IFI6: variants seen among roughly 807,000 people sequenced by gnomAD.
IFI6 encodes the protein interferon alpha inducible protein 6, also known as interferon alpha-inducible protein 6.
In IFI6, 10 loss-of-function variants were observed where a neutral mutation model predicts 12.7. The ratio of observed to expected loss-of-function variants is 0.79; its 90% CI spans 0.49 to 1.33. The LOEUF is 1.33. Among genes scored for constraint, IFI6 ranks in the 40% most tolerant of loss-of-function variants. IFI6 has a pLI of 0.00. For missense variants in IFI6, 154 were observed against 180.4 expected (o/e 0.85, Z 0.84); for synonymous variants, 89 against 86.2 (o/e 1.03, Z -0.18).
chr1:27,670,126 A>G (rs992931451), intron 1 of IFI6: 14 of 152,198 alleles, frequency 9.2e-5, no homozygotes, highest in African/African-American at 2.9e-4. Flanking sequence ...CAGACTGCCA[A>G]TCGAAAGCCC....
intron 4 of IFI6, among the ~76,000 whole-genome samples, chr1:27,666,724 A>T (rs2090354663): frequency 6.6e-6 from 1 of 152,236 alleles, no homozygotes; most frequent in African/African-American, 2.4e-5. Flanking sequence ...ACGCCATGTT[A>T]TTAATCATGC....
intron 1 of IFI6, among the ~76,000 whole-genome samples, chr1:27,671,530 G>A (rs576048700): frequency 2.0e-5 from 3 of 151,776 alleles, no homozygotes; most frequent in South Asian, 2.1e-4. Context: ...GACTACAGGC[G>A]CCCACCACCA....
chr1:27,671,299 A>G (rs2090402069), intron 1 of IFI6, among the ~76,000 whole-genome samples: 1 of 152,192 alleles, frequency 6.6e-6, no homozygotes. Context: ...AGAGAGGTTA[A>G]GTAATATTCC....
At position 27,666,289 on chromosome 1, in the gene IFI6, C is replaced by CAAAAAA. The variant is rs10649401; in HGVS notation, c.*86_*91dup. The CAAAAAA allele has an allele frequency of 4.7e-4, 119 of 255,768 alleles. No individual in the cohort carries two copies. The highest frequency in any genetic ancestry group is 2.6e-3 in the Middle Eastern group (2 of 778). The allele number at this position is 255,768 out of a possible 1,614,324, so 15.8% of individuals were successfully genotyped here. ...TGGACAATATAGTGAGAACCCATCT[C>CAAAAAA]AAAAAAAAAAAAAAAAAAAAAAAGG... On this transcript the variant is annotated 3_prime_UTR_variant, in exon 5 of 5. Transcript: ENST00000361157.
At position 27,668,448 on chromosome 1, in the gene IFI6, C is replaced by T; in HGVS notation, c.148+10G>A. 1 of 1,608,968 alleles carries T rather than the reference C, an allele frequency of 6.2e-7. No individual in the cohort carries two copies. The highest frequency in any genetic ancestry group is 1.1e-5 in the South Asian group (1 of 90,086). ...CCCGCCTGCCCGAGATCCTCGCCCT[C>T]CAGACCCACCTCCTCCGACGGCCAT... On this transcript the variant is annotated intron_variant, in intron 3 of 4. Transcript: ENST00000361157.
chr1:27,668,569 T>TTGGGG, intron 2 of IFI6, 34 bp from the exon 3 acceptor site: 19 of 1,548,746 alleles, frequency 1.2e-5, no homozygotes, highest in Non-Finnish European at 1.7e-5. Flanking sequence ...AGTGGGGGTG[T>TTGGGG]TGGGGTGGGA....
Position 27,666,351 on chromosome 1 carries a change from G to C in IFI6, c.*30C>G, listed in dbSNP as rs1141747. On this transcript the variant is annotated 3_prime_UTR_variant, in exon 5 of 5. Coordinates refer to ENST00000361157, the MANE Select transcript of IFI6 (RefSeq NM_002038.4). ...ATCCTAACTGGAAGAGTTAGGCCAAGAAGGAAGAAGAGGTTCTGGGAGCTG... is the reference window on the plus strand; with the variant it reads ...ATCCTAACTGGAAGAGTTAGGCCAACAAGGAAGAAGAGGTTCTGGGAGCTG... 2 of 1,044,186 alleles carry C rather than the reference G, an allele frequency of 1.9e-6. No individual in the cohort carries two copies. Among genetic ancestry groups the C allele is most frequent in the Non-Finnish European group, 2.8e-6 (2 of 703,984 alleles). 64.7% of individuals were successfully genotyped at this position (1,044,186 alleles called of 1,614,324 possible).
chr1:27,668,074 CAAAAT>C (rs2090364716), intron 4 of IFI6, 147 bp downstream of exon 4: 1 of 855,030 alleles, frequency 1.2e-6, no homozygotes, highest in Non-Finnish European at 1.7e-6. Flanking sequence ...GACTCTGTCT[CAAAAT>C]AAATAAATAA....
chr1:27,668,107 G>C (rs897619492), intron 4 of IFI6, 119 bp downstream of exon 4: 8 of 954,778 alleles, frequency 8.4e-6, no homozygotes, highest in Non-Finnish European at 1.2e-5. Context: ...CTTAATTCCT[G>C]GTAAACTACT....
intron 1 of IFI6, among the ~76,000 whole-genome samples, chr1:27,671,456 C>T (rs958549671): frequency 6.7e-6 from 1 of 149,182 alleles, no homozygotes; most frequent in Non-Finnish European, 1.5e-5. Context: ...TCTCATCTCA[C>T]TGCAAGCTCC....
rs1423025914 is a variant in IFI6, at chr1:27,668,384, ACAGGAG to A, written c.149-15_149-10del. ...CCCGGCGACTGCGAGTCCTGGAGGA[ACAGGAG>A]CAGGTGAGGGAGCGTCCGCGGCAGA... is the stretch of plus-strand genomic sequence containing the variant. On this transcript the variant is annotated splice_polypyrimidine_tract_variant and intron_variant, in intron 3 of 4. Coordinates refer to ENST00000361157, the MANE Select transcript of IFI6 (RefSeq NM_002038.4). 1.3e-6 allele frequency: 2 copies of A among 1,572,002 alleles called. No individual in the cohort carries two copies.
chr1:27,670,310 A>T (rs1264339114), intron 1 of IFI6: 1 of 152,130 alleles, frequency 6.6e-6, no homozygotes, highest in African/African-American at 2.4e-5. Flanking sequence ...GTTTTGAGAC[A>T]GGGTCTCACT....
At position 27,666,312 on chromosome 1, in the gene IFI6, A is replaced by AT; in HGVS notation, c.*68_*69insA. ...CTCAAAAAAAAAAAAAAAAAAAAAA[A>AT]GGCAAAGTTCTAGATCCTAACTGGA... On this transcript the variant is annotated 3_prime_UTR_variant, in exon 5 of 5. Transcript: ENST00000361157. The AT allele has an allele frequency of 1.6e-5, 12 of 769,218 alleles. No homozygotes were observed. The highest frequency in any genetic ancestry group is 2.8e-5 in the East Asian group (1 of 35,726). The allele number at this position is 769,218 out of a possible 1,614,324, so 47.6% of individuals were successfully genotyped here. A position where few individuals can be genotyped will look rare whatever the true frequency, so the allele number is the denominator to read the frequency against.
intron 1 of IFI6, chr1:27,670,155 T>C (rs930559945): frequency 1.3e-5 from 2 of 152,226 alleles, no homozygotes; most frequent in African/African-American, 2.4e-5. Context: ...TTTACCTGTG[T>C]TTCTGACTGA....
rs1294439661 is a variant in IFI6, at chr1:27,668,458, C to G, written c.148G>C (p.Gly50Arg). The stretch of plus-strand genomic sequence containing the variant: ...CGAGATCCTCGCCCTCCAGACCCAC[C>G]TCCTCCGACGGCCATGAAGGTCAGG... Reference protein sequence around the residue: ...KALTFMAVGGGLAVAGLPALG... With the variant: ...KALTFMAVGGRLAVAGLPALG... Residue 50 changes from glycine to arginine, a missense_variant and splice_region_variant, in exon 3 of 5, where the codon GGA (glycine) becomes CGA (arginine). Coordinates refer to ENST00000361157, the MANE Select transcript of IFI6 (RefSeq NM_002038.4). The G allele has an allele frequency of 1.8e-5, 29 of 1,610,140 alleles. No homozygotes were observed. In the Middle Eastern group the frequency reaches 4.9e-4, roughly 27 times the overall value.
At chr1:27,669,005 CCGCA>C (rs777198291) in intron 2 of IFI6, among the ~76,000 whole-genome samples, 126,243 of 149,264 alleles carry the variant, frequency 0.85, 55,894 homozygotes, top group Non-Finnish European at 0.97. Context: ...GCATCCTTAC[CCGCA>C]TCCTTACCCG....
chr1:27,670,693 C>T (rs969625332), intron 1 of IFI6, among the ~76,000 whole-genome samples: 2 of 152,152 alleles, frequency 1.3e-5, no homozygotes, highest in Admixed American at 6.6e-5. Flanking sequence ...CCAGAAGCAC[C>T]ACCCACTGGA....
intron 1 of IFI6, chr1:27,670,437 C>T (rs1475140429): frequency 6.6e-6 from 1 of 151,188 alleles, no homozygotes; most frequent in Non-Finnish European, 1.5e-5. Flanking sequence ...CAGGTATGCA[C>T]CACCACGCCC....
At chr1:27,670,042 G>A (rs1189984725) in intron 1 of IFI6, 1 of 152,192 alleles carries the variant, frequency 6.6e-6, no homozygotes, top group Admixed American at 6.5e-5. Flanking sequence ...CACCAGCTGA[G>A]GGTCCCCAAA....
Sources: gnomAD v4.1 joint callset for allele counts (sites outside exome capture counted in the v4.1 genomes callset) on GRCh38, gnomAD v4.1.1 for gene constraint, MANE v1.5 for transcripts, NCBI Gene and HGNC (gene_info 2026-07-23, HGNC 2026-07-21) for gene names.